REV3L: variants seen among roughly 807,000 people sequenced by gnomAD.
REV3L encodes DNA polymerase zeta catalytic subunit.
REV3L carries 69 observed loss-of-function variants against 299.4 expected under a neutral mutation model. The ratio of observed to expected loss-of-function variants is 0.23; its 90% CI spans 0.19 to 0.28. The LOEUF is 0.28. Among genes scored for constraint, REV3L ranks in the 10% least tolerant of loss-of-function variants. The probability of loss-of-function intolerance (pLI) is 1.00; values close to 1 mark genes in which losing one functional copy is unlikely to be tolerated. For synonymous variants in REV3L, 1,238 were observed against 1,271.4 expected (o/e 0.97, Z 0.56); for missense variants, 3,128 against 3,693.8 (o/e 0.85, Z 3.97).
chr6:111,482,144 A>ACG (rs1361597164), intron 1 of REV3L, among the ~76,000 whole-genome samples: 1 of 152,202 alleles, frequency 6.6e-6, no homozygotes, highest in East Asian at 1.9e-4. Flanking sequence ...CTAAGGAGTC[A>ACG]CGACCTGCAC....
In REV3L at chr6:111,367,562, C is replaced by T; in HGVS notation, c.6226G>A (p.Ala2076Thr). Residue 2076 changes from alanine (A) to threonine (T), a missense_variant, in exon 14 of 32, where the codon GCT becomes ACT. This residue lies in a region of REV3L where 2,409 missense variants were observed against 2,611.8 expected (regional missense o/e 0.92). Transcript: ENST00000368802. ...CATCCCGTGGTTGGTGCTTGTAAAG[C>T]AATCTGAGAATTATCAACATCCTCC... ...TKEDVDNSQI[A>T]LQAPTTGCSQ... is the part of the protein sequence containing the mutation. 6.2e-7 allele frequency: 1 copy of T among 1,613,806 alleles called. No homozygotes were observed. Among genetic ancestry groups the T allele is most frequent in the East Asian group, 2.2e-5 (1 of 44,870 alleles).
intron 22 of REV3L, among the ~76,000 whole-genome samples, chr6:111,334,216 G>A (rs1230467971): frequency 6.6e-6 from 1 of 152,326 alleles, no homozygotes. Flanking sequence ...GGGATTACAG[G>A]TGTGAGCCAC....
At chr6:111,470,541 A>G (rs1792071835) in intron 1 of REV3L, among the ~76,000 whole-genome samples, 1 of 152,216 alleles carries the variant, frequency 6.6e-6, no homozygotes, top group Non-Finnish European at 1.5e-5. Flanking sequence ...ACGGTTTACC[A>G]CCTCGTTTAG....
intron 1 of REV3L, among the ~76,000 whole-genome samples, chr6:111,444,933 A>T (rs1293072352): frequency 6.6e-6 from 1 of 152,222 alleles, no homozygotes; most frequent in Non-Finnish European, 1.5e-5. Flanking sequence ...TCTTTCCCAG[A>T]AGTATAGTGG....
chr6:111,348,787 C>T (rs1777277340), intron 20 of REV3L, among the ~76,000 whole-genome samples: 1 of 152,152 alleles, frequency 6.6e-6, no homozygotes. Flanking sequence ...GTAGCTGGGA[C>T]CACAGGCATG....
At chr6:111,460,837 T>C (rs549544337) in intron 1 of REV3L, among the ~76,000 whole-genome samples, 7 of 152,142 alleles carry the variant, frequency 4.6e-5, no homozygotes, top group South Asian at 4.1e-4. Flanking sequence ...ACATATATAA[T>C]GGTGGTCCCA....
At chr6:111,397,367 A>C (rs2128263379) in intron 4 of REV3L, among the ~76,000 whole-genome samples, 1 of 152,250 alleles carries the variant, frequency 6.6e-6, no homozygotes, top group South Asian at 2.1e-4. Flanking sequence ...TCATTGATCC[A>C]ATAAAGGTTC....
chr6:111,466,393 T>TA (rs1332952175), intron 1 of REV3L, among the ~76,000 whole-genome samples: 2 of 152,170 alleles, frequency 1.3e-5, no homozygotes, highest in African/African-American at 2.4e-5. Flanking sequence ...AGATTTTTTT[T>TA]AAAAAAAGCA....
chr6:111,311,362 C>A (rs1772957073), intron 28 of REV3L, 103 bp from the exon 29 acceptor site: 1 of 731,760 alleles, frequency 1.4e-6, no homozygotes, highest in African/African-American at 1.8e-5. Flanking sequence ...AACCTGCTAA[C>A]CTACCTAAAT....
Position 111,299,737 on chromosome 6 carries a change from G to T in REV3L, c.*279C>A, listed in dbSNP as rs1462552633. 9.1e-6 allele frequency: 2 copies of T among 219,550 alleles called. No individual in the cohort carries two copies. Among genetic ancestry groups the T allele is most frequent in the African/African-American group, 4.6e-5 (2 of 43,756 alleles). 13.6% of individuals were successfully genotyped at this position (219,550 alleles called of 1,614,324 possible). The stretch of plus-strand genomic sequence containing the variant: ...GGAAGTAAACATGATCTACTCAAAT[G>T]AATTTACAAGATGGTACACATACTG... On this transcript the variant is annotated 3_prime_UTR_variant, in exon 32 of 32. Transcript: ENST00000368802.
chr6:111,430,813 C>G lies in REV3L; in HGVS notation c.140-14341G>C, dbSNP rs2128298563. Reference sequence around the variant, plus strand: ...TGAAGGAATCTGGAGGAAAGCTGACCAGGCGGCTTGTGAACAGTCAGTGCA... The same window carrying G: ...TGAAGGAATCTGGAGGAAAGCTGACGAGGCGGCTTGTGAACAGTCAGTGCA... On this transcript the variant is annotated intron_variant, in intron 1 of 31. Transcript: ENST00000368802. The G allele has an allele frequency of 2.5e-6, 4 of 1,608,662 alleles. No individual in the cohort carries two copies. In the East Asian group the frequency reaches 6.7e-5, roughly 27 times the overall value.
rs72947120 is a variant in REV3L at position 111,446,909 on chromosome 6, G to C, written c.140-30437C>G. On this transcript the variant is annotated intron_variant, in intron 1 of 31. Coordinates refer to ENST00000368802, the MANE Select transcript of REV3L (RefSeq NM_001372078.1). ...AATCTACTCTTTGTATAGTAGCAGA[G>C]ACTTGAAGGATGAATAACTTCGTGT... 3.9e-3 allele frequency among the ~76,000 whole-genome samples: 595 copies of C among 152,250 alleles called. 1 individual carries two copies. The highest frequency in any genetic ancestry group is 6.4e-3 in the Non-Finnish European group (432 of 68,020).
At chr6:111,467,620 G>T (rs965696595) in intron 1 of REV3L, among the ~76,000 whole-genome samples, 2 of 152,088 alleles carry the variant, frequency 1.3e-5, no homozygotes, top group African/African-American at 2.4e-5. Context: ...TTTTTTCCTT[G>T]TTATTACTAC....
chr6:111,474,807 T>C (rs868139834), intron 1 of REV3L, among the ~76,000 whole-genome samples: 3 of 152,344 alleles, frequency 2.0e-5, no homozygotes, highest in Middle Eastern at 6.8e-3. Flanking sequence ...TTAAAAATAT[T>C]AACTTTGAAT....
At chr6:111,430,565 G>A in intron 1 of REV3L, 3 of 1,568,098 alleles carry the variant, frequency 1.9e-6, no homozygotes, top group Non-Finnish European at 8.7e-7. Context: ...TAGACTTCAT[G>A]GCTGACTTGC....
At chr6:111,390,062 T>C (rs751577932) in intron 6 of REV3L, 24 bp downstream of exon 6, 17 of 1,489,768 alleles carry the variant, frequency 1.1e-5, no homozygotes, top group Non-Finnish European at 1.9e-6. Context: ...TAAAAACATA[T>C]ATTAAGAATA....
intron 25 of REV3L, among the ~76,000 whole-genome samples, chr6:111,325,625 CGCTTTTAAAA>C (rs1417697685): frequency 1.3e-5 from 2 of 152,136 alleles, no homozygotes; most frequent in Non-Finnish European, 2.9e-5. Flanking sequence ...ATTTGCCTCC[CGCTTTTAAAA>C]GCTTTTAATT....
At chr6:111,395,346 A>G (rs1293582116) in intron 4 of REV3L, among the ~76,000 whole-genome samples, 2 of 152,138 alleles carry the variant, frequency 1.3e-5, no homozygotes, top group East Asian at 3.8e-4. Context: ...TGAACATGGG[A>G]TGTCTCCCAT....
At chr6:111,347,125 C>A (rs1163864924) in intron 20 of REV3L, among the ~76,000 whole-genome samples, 1 of 151,962 alleles carries the variant, frequency 6.6e-6, no homozygotes, top group Non-Finnish European at 1.5e-5. Context: ...CAAAAATTAG[C>A]CAGGTGTGGT....
Sources: gnomAD v4.1 joint callset for allele counts (sites outside exome capture counted in the v4.1 genomes callset) on GRCh38, gnomAD v4.1.1 for gene constraint, gnomAD v4.1.1 regional missense constraint, MANE v1.5 for transcripts, NCBI Gene and HGNC (gene_info 2026-07-23, HGNC 2026-07-21) for gene names.